COL23A1: variants seen among roughly 807,000 people sequenced by gnomAD.
The protein encoded by COL23A1 is collagen alpha-1(XXIII) chain.
A neutral mutation model predicts 99.3 loss-of-function variants in COL23A1; 97 were observed. That is an observed-to-expected ratio of 0.98 (90% CI 0.83 to 1.16). The LOEUF (loss-of-function observed/expected upper bound fraction) is 1.16, where lower values mean the gene tolerates loss of function less well. Ranked by LOEUF, COL23A1 falls within the 50% of genes most tolerant of loss-of-function variation. The probability of loss-of-function intolerance (pLI) is 0.00; values close to 1 mark genes in which losing one functional copy is unlikely to be tolerated. For missense variants in COL23A1, 762 were observed against 757.4 expected (o/e 1.01, Z -0.07); for synonymous variants, 320 against 308.2 (o/e 1.04, Z -0.40).
chr5:178,546,146 G>A lies in COL23A1; in HGVS notation c.361+14536C>T, dbSNP rs921311624. Among the ~76,000 whole-genome samples the A allele has an allele frequency of 2.0e-5, 3 of 152,026 alleles. No homozygotes were observed. The East Asian group carries it at 5.8e-4, about 30-fold the overall frequency. ...TGGCCACAGGGTCCCCACCTGGCCA[G>A]TAAGACTCTATCTCCCCTCCACCTC... is the stretch of plus-strand genomic sequence containing the variant. On this transcript the variant is annotated intron_variant, in intron 2 of 28. Transcript: ENST00000390654.
intron 9 of COL23A1, 74 bp from the exon 10 acceptor site, chr5:178,262,326 A>G (rs1765677334): frequency 6.9e-7 from 1 of 1,442,064 alleles, no homozygotes; most frequent in African/African-American, 1.4e-5. Flanking sequence ...CTCAGGCCAG[A>G]CCCCGGGCTG....
At chr5:178,477,865 G>A (rs369035355) in intron 2 of COL23A1, among the ~76,000 whole-genome samples, 19 of 152,332 alleles carry the variant, frequency 1.2e-4, no homozygotes, top group African/African-American at 3.8e-4. Context: ...TGATGCTTGC[G>A]AGAGCCGTAG....
intron 3 of COL23A1, among the ~76,000 whole-genome samples, chr5:178,302,053 A>G (rs1337141778): frequency 7.2e-6 from 1 of 138,452 alleles, no homozygotes; most frequent in Admixed American, 7.1e-5. Context: ...CACGGCTTCA[A>G]TGCTGCACCT....
chr5:178,562,164 C>T (rs1165734427), intron 1 of COL23A1: 2 of 484,166 alleles, frequency 4.1e-6, no homozygotes, highest in Admixed American at 4.7e-5. Context: ...ACTGCTTTAA[C>T]GCGAGAGGCG....
At chr5:178,254,280 C>CCGTCACGCCACGCCACACCGT (rs140409132) in intron 16 of COL23A1, among the ~76,000 whole-genome samples, 1 of 151,896 alleles carries the variant, frequency 6.6e-6, no homozygotes, top group Admixed American at 6.5e-5. Flanking sequence ...CCACGCCACA[C>CCGTCACGCCACGCCACACCGT]CACGCCACGC....
At position 178,263,291 on chromosome 5, in the gene COL23A1, G is replaced by A; in HGVS notation, c.556C>T (p.Pro186Ser). The A allele has an allele frequency of 2.5e-6, 4 of 1,608,618 alleles. No homozygotes were observed. Among genetic ancestry groups the A allele is most frequent in the Non-Finnish European group, 3.4e-6 (4 of 1,178,444 alleles). The part of the protein sequence containing the change: ...DQGQDGAAGP[P>S]GPPGPPGARG... ...GCCCCAGGAGGTCCAGGGGGCCCCG[G>A]AGGCCCAGCAGCTCCATCTTGTCCT... The change falls in exon 9 of 29, where the codon CCG (proline) becomes TCG (serine). Residue 186 changes from proline (P) to serine (S), a missense_variant. Transcript: ENST00000390654.
At position 178,384,432 on chromosome 5, in the gene COL23A1, G is replaced by A. The variant is rs1266819185; in HGVS notation, c.362-77513C>T. 2.6e-5 allele frequency among the ~76,000 whole-genome samples: 4 copies of A among 152,214 alleles called. No homozygotes were observed. Among genetic ancestry groups the A allele is most frequent in the East Asian group, 1.9e-4 (1 of 5,192 alleles). On this transcript the variant is annotated intron_variant, in intron 2 of 28. Transcript: ENST00000390654. The surrounding 1 kb of genome is among the most constrained non-coding windows in gnomAD (Gnocchi z 5.5). ...TCATCCGGGTAGTAAACCAGGCTTC[G>A]GCTTTCCAAGCCAGACCTCTCCTCC...
At position 178,590,279 on chromosome 5, in the gene COL23A1, G is replaced by T; in HGVS notation, c.-82C>A. ...GGGTGCGAGAGGAGCAGGCGGGACA[G>T]CCCGAGGCACGAGGTCCGCCGGGCG... On this transcript the variant is annotated 5_prime_UTR_variant, in exon 1 of 29. The change creates a new upstream start codon in the 5' untranslated region. Transcript: ENST00000390654. This position sits in a 1 kb window ranked among gnomAD's most constrained non-coding sequence, Gnocchi z 5.7. 8.8e-7 allele frequency: 1 copy of T among 1,139,492 alleles called. No individual in the cohort carries two copies. Among genetic ancestry groups the T allele is most frequent in the Non-Finnish European group, 1.1e-6 (1 of 921,380 alleles). The allele number at this position is 1,139,492 out of a possible 1,614,324, so 70.6% of individuals were successfully genotyped here. A position where few individuals can be genotyped will look rare whatever the true frequency, so the allele number is the denominator to read the frequency against.
At chr5:178,338,662 C>G (rs909199919) in intron 2 of COL23A1, among the ~76,000 whole-genome samples, 2 of 152,140 alleles carry the variant, frequency 1.3e-5, no homozygotes, top group African/African-American at 4.8e-5. Flanking sequence ...CACTGGCCAG[C>G]ATCGGGTAGA....
intron 2 of COL23A1, among the ~76,000 whole-genome samples, chr5:178,552,780 C>G (rs913796017): frequency 2.0e-5 from 3 of 151,110 alleles, no homozygotes; most frequent in African/African-American, 7.3e-5. Context: ...GTGGTGCGAT[C>G]TTGGCTCACT....
chr5:178,382,306 A>T lies in COL23A1; in HGVS notation c.362-75387T>A, dbSNP rs117243214. Among the ~76,000 whole-genome samples the T allele has an allele frequency of 4.9e-4, 74 of 152,058 alleles. No homozygotes were observed. In the East Asian group the frequency reaches 0.014, roughly 28 times the overall value. On this transcript the variant is annotated intron_variant, in intron 2 of 28. Transcript: ENST00000390654. The stretch of plus-strand genomic sequence containing the variant: ...GTGGTAAGGGTGGGTCAACTGGTCA[A>T]CCTCCAGGGCTTTTGTGTTTGTTTC...
At chr5:178,341,842 C>A (rs1243625423) in intron 2 of COL23A1, among the ~76,000 whole-genome samples, 2 of 152,150 alleles carry the variant, frequency 1.3e-5, no homozygotes, top group South Asian at 2.1e-4. Flanking sequence ...GTTTCTGGGG[C>A]CTGTCTTCCT....
intron 2 of COL23A1, among the ~76,000 whole-genome samples, chr5:178,541,509 A>T (rs1405083328): frequency 6.6e-6 from 1 of 152,170 alleles, no homozygotes; most frequent in Non-Finnish European, 1.5e-5. Context: ...CAGGAGGTGG[A>T]GGTTGCAGTG....
intron 2 of COL23A1, among the ~76,000 whole-genome samples, chr5:178,445,958 T>A (rs936760263): frequency 6.6e-6 from 1 of 152,248 alleles, no homozygotes; most frequent in East Asian, 1.9e-4. Flanking sequence ...AAATGTCTGA[T>A]GTAAAAGAGA....
chr5:178,483,911 C>T (rs760245055), intron 2 of COL23A1, among the ~76,000 whole-genome samples: 9 of 152,182 alleles, frequency 5.9e-5, no homozygotes, highest in Non-Finnish European at 1.3e-4. Context: ...GCACATTTTA[C>T]TGGGTACCGG....
intron 2 of COL23A1, among the ~76,000 whole-genome samples, chr5:178,324,693 C>T (rs1759543581): frequency 6.6e-6 from 1 of 152,238 alleles, no homozygotes; most frequent in Non-Finnish European, 1.5e-5. Context: ...GTGCCACAAG[C>T]GCGCACCCAG....
intron 1 of COL23A1, among the ~76,000 whole-genome samples, chr5:178,579,506 T>C (rs1234302457): frequency 6.6e-6 from 1 of 151,946 alleles, no homozygotes; most frequent in African/African-American, 2.4e-5. Flanking sequence ...CAGGATAGAG[T>C]GTGGTGGCGA....
chr5:178,436,819 G>A (rs986464617), intron 2 of COL23A1, among the ~76,000 whole-genome samples: 4 of 151,740 alleles, frequency 2.6e-5, no homozygotes, highest in African/African-American at 9.8e-5. Context: ...AAAAACTCTT[G>A]AGAAGTGTTA....
At chr5:178,286,658 G>A (rs187370279) in intron 5 of COL23A1, among the ~76,000 whole-genome samples, 1 of 152,194 alleles carries the variant, frequency 6.6e-6, no homozygotes, top group African/African-American at 2.4e-5. Flanking sequence ...CCTGCCTGTC[G>A]GCCACAGGGC....
Sources: allele counts gnomAD v4.1 joint callset (sites outside exome capture counted in the v4.1 genomes callset), GRCh38; gene constraint gnomAD v4.1.1; non-coding constraint Gnocchi (gnomAD v3.1); transcripts MANE v1.5; gene names NCBI Gene and HGNC (gene_info 2026-07-23, HGNC 2026-07-21).